ERC1: variants seen among roughly 807,000 people sequenced by gnomAD.
ERC1 encodes ELKS/RAB6-interacting/CAST family member 1.
ERC1 carries 56 observed loss-of-function variants against 132.0 expected under a neutral mutation model. The ratio of observed to expected loss-of-function variants is 0.42; its 90% CI spans 0.34 to 0.53. The LOEUF is 0.53. ERC1 is among the 20% of genes least tolerant of loss of function. The pLI is 0.03. For missense variants in ERC1, 1,202 were observed against 1,349.9 expected, an observed-to-expected ratio of 0.89 and a Z score of 1.72; for synonymous variants, 478 against 476.1, an observed-to-expected ratio of 1.00 and a Z score of -0.05.
chr12:1,393,517 G>A (rs1030612768), intron 16 of ERC1, among the ~76,000 whole-genome samples: 22 of 152,136 alleles, frequency 1.4e-4, no homozygotes, highest in African/African-American at 5.1e-4. Flanking sequence ...CTGGGCGACA[G>A]AGGAGACCCT....
intron 15 of ERC1, among the ~76,000 whole-genome samples, chr12:1,293,656 G>C (rs2079671472): frequency 6.6e-6 from 1 of 151,800 alleles, no homozygotes; most frequent in Non-Finnish European, 1.5e-5. Flanking sequence ...TTGTGGGGTT[G>C]TTCACATTCT....
Position 1,341,243 on chromosome 12 carries a change from G to A in ERC1, c.2781-30590G>A, listed in dbSNP as rs375609106. ...TGAGTAGCTGGGACTACAGGCGCAC[G>A]CCACCAAGCCCGGCTAATCTGTTTT... On this transcript the variant is annotated intron_variant, in intron 15 of 18. Coordinates refer to ENST00000360905, the MANE Select transcript of ERC1 (RefSeq NM_178040.4). Among the ~76,000 whole-genome samples the A allele has an allele frequency of 1.9e-4, 29 of 151,412 alleles. No homozygotes were observed. In the South Asian group the frequency reaches 4.4e-3, roughly 23 times the overall value.
chr12:1,347,840 A>G (rs997288433), intron 15 of ERC1, among the ~76,000 whole-genome samples: 8 of 152,094 alleles, frequency 5.3e-5, no homozygotes, highest in African/African-American at 1.9e-4. Context: ...AAAATTAGCC[A>G]GGGGTGGTGG....
At chr12:1,226,448 C>T (rs2074579222) in intron 12 of ERC1, among the ~76,000 whole-genome samples, 1 of 152,146 alleles carries the variant, frequency 6.6e-6, no homozygotes, top group African/African-American at 2.4e-5. Flanking sequence ...TTAAGATCTG[C>T]TCTTAGCAAA....
At chr12:1,329,000 A>G (rs2082671571) in intron 15 of ERC1, among the ~76,000 whole-genome samples, 1 of 146,474 alleles carries the variant, frequency 6.8e-6, no homozygotes, top group Non-Finnish European at 1.5e-5. Context: ...AAAAAAAAAA[A>G]AAAGCCTTAG....
At chr12:1,242,579 T>A (rs1182106595) in intron 13 of ERC1, among the ~76,000 whole-genome samples, 1 of 152,160 alleles carries the variant, frequency 6.6e-6, no homozygotes, top group Non-Finnish European at 1.5e-5. Flanking sequence ...AAAATAACCT[T>A]TCTTCTTATG....
intron 7 of ERC1, among the ~76,000 whole-genome samples, chr12:1,120,960 A>C (rs1309856311): frequency 1.3e-5 from 2 of 152,210 alleles, no homozygotes; most frequent in Non-Finnish European, 2.9e-5. Flanking sequence ...CTTCTTCAGC[A>C]TACTAAGAGT....
At position 1,112,204 on chromosome 12, in the gene ERC1, TGTC is replaced by T; in HGVS notation, c.1318-8_1318-6del. ...ACACATAAGTGAAAAAGAATAATAA[TGTC>T]GTGACAGGTAGAACAACTGAAGGAG... On this transcript the variant is annotated splice_polypyrimidine_tract_variant and splice_region_variant and intron_variant, in intron 5 of 18. Coordinates refer to ENST00000360905, the MANE Select transcript of ERC1 (RefSeq NM_178040.4). The T allele has an allele frequency of 6.3e-7, 1 of 1,593,952 alleles. No individual in the cohort carries two copies. The highest frequency in any genetic ancestry group is 8.6e-7 in the Non-Finnish European group (1 of 1,162,418).
chr12:1,060,541 G>A (rs1973818454), intron 2 of ERC1, among the ~76,000 whole-genome samples: 3 of 152,086 alleles, frequency 2.0e-5, no homozygotes. Context: ...ATTCCATGGT[G>A]TATATGAAAA....
At chr12:1,181,732 G>A (rs541231424) in intron 9 of ERC1, among the ~76,000 whole-genome samples, 193 bp from the exon 10 acceptor site, 95 of 150,514 alleles carry the variant, frequency 6.3e-4, no homozygotes, top group Middle Eastern at 3.4e-3. Context: ...ATGGTGAGCC[G>A]AGATCACGCC....
chr12:1,133,854 C>G (rs1297191116), intron 7 of ERC1, among the ~76,000 whole-genome samples: 1 of 152,206 alleles, frequency 6.6e-6, no homozygotes, highest in Admixed American at 6.5e-5. Context: ...TTCTCTGTTT[C>G]TTTGAGTTCA....
At chr12:1,032,856 A>G (rs897230424) in intron 2 of ERC1, among the ~76,000 whole-genome samples, 2 of 151,570 alleles carry the variant, frequency 1.3e-5, no homozygotes, top group African/African-American at 2.4e-5. Context: ...ATGATAGTAC[A>G]TTCTCAGGTT....
At chr12:1,250,995 C>G (rs1427136051) in intron 13 of ERC1, among the ~76,000 whole-genome samples, 1 of 152,130 alleles carries the variant, frequency 6.6e-6, no homozygotes, top group East Asian at 1.9e-4. Flanking sequence ...CGGGGAAAAT[C>G]AGCTTTACAT....
intron 8 of ERC1, among the ~76,000 whole-genome samples, chr12:1,164,399 G>C (rs1411748512): frequency 6.6e-6 from 1 of 151,964 alleles, no homozygotes; most frequent in Non-Finnish European, 1.5e-5. Context: ...CTGGAGTGCA[G>C]TGGCGCTATC....
chr12:1,019,332 C>T (rs1380424066), intron 1 of ERC1, among the ~76,000 whole-genome samples: 1 of 152,120 alleles, frequency 6.6e-6, no homozygotes, highest in Non-Finnish European at 1.5e-5. Context: ...GCCATGTTGC[C>T]CAGGCCAGTC....
intron 13 of ERC1, among the ~76,000 whole-genome samples, chr12:1,251,145 T>A (rs2154315205): frequency 6.6e-6 from 1 of 152,304 alleles, no homozygotes; most frequent in South Asian, 2.1e-4. Context: ...GAATGAACAC[T>A]ACTTATCCTT....
intron 2 of ERC1, among the ~76,000 whole-genome samples, chr12:1,037,791 G>T (rs905494258): frequency 2.6e-5 from 4 of 152,008 alleles, no homozygotes; most frequent in Non-Finnish European, 5.9e-5. Context: ...ACGTTTGTAA[G>T]CCCAGCACTT....
chr12:1,150,565 AT>A (rs1317954252), intron 8 of ERC1, among the ~76,000 whole-genome samples: 1 of 152,210 alleles, frequency 6.6e-6, no homozygotes, highest in Admixed American at 6.5e-5. Flanking sequence ...ACATCTTAAG[AT>A]TCCTAATGAG....
In ERC1 at chr12:1,410,644, C is replaced by CTT. The variant is rs200087458; in HGVS notation, c.3024+2410_3024+2411dup. On this transcript the variant is annotated intron_variant, in intron 17 of 18. Coordinates refer to ENST00000360905, the MANE Select transcript of ERC1 (RefSeq NM_178040.4). ...ACATAGTGGGGTTTGGATTTTGTGG[C>CTT]TTTTTTTTTTTTTTCTCGTTGTGTG... Among the ~76,000 whole-genome samples, 161 of 126,910 alleles carry CTT rather than the reference C, an allele frequency of 1.3e-3. 2 individuals are homozygous for CTT. Among genetic ancestry groups the CTT allele is most frequent in the African/African-American group, 4.4e-3 (150 of 34,478 alleles). The allele number at this position is 126,910 out of a possible 152,430, so 83.3% of individuals were successfully genotyped here. A position where few individuals can be genotyped will look rare whatever the true frequency, so the allele number is the denominator to read the frequency against.
Sources: gnomAD v4.1 joint callset for allele counts (sites outside exome capture counted in the v4.1 genomes callset) on GRCh38, gnomAD v4.1.1 for gene constraint, MANE v1.5 for transcripts, NCBI Gene and HGNC (gene_info 2026-07-23, HGNC 2026-07-21) for gene names.